Variants in ROS1 observed in about 807,000 individuals in gnomAD.
ROS1 encodes the protein proto-oncogene tyrosine-protein kinase ROS.
ROS1 carries 263 observed loss-of-function variants against 273.5 expected under a neutral mutation model. The observed-to-expected ratio is 0.96, with a 90% CI of 0.87 to 1.06. The LOEUF (loss-of-function observed/expected upper bound fraction) is 1.06. Ranked by LOEUF, ROS1 falls within the 50% of genes least tolerant of loss-of-function variation. ROS1 has a pLI of 0.00. For missense variants in ROS1, 2,833 were observed against 2,751.1 expected, an observed-to-expected ratio of 1.03 and a Z score of -0.67; for synonymous variants, 1,008 against 954.1, an observed-to-expected ratio of 1.06 and a Z score of -1.04.
chr6:117,307,378 C>A (rs1384744982), intron 42 of ROS1, among the ~76,000 whole-genome samples: 1 of 152,086 alleles, frequency 6.6e-6, no homozygotes, highest in African/African-American at 2.4e-5. Flanking sequence ...TTTTGTGCAA[C>A]TGAAATTCTG....
At chr6:117,358,541 C>A (rs573228605) in intron 24 of ROS1, among the ~76,000 whole-genome samples, 1 of 151,836 alleles carries the variant, frequency 6.6e-6, no homozygotes, top group African/African-American at 2.4e-5. Context: ...TTCACTGAAA[C>A]CTTCGCCTCC....
chr6:117,346,999 C>T (rs1370762323), intron 27 of ROS1, among the ~76,000 whole-genome samples: 1 of 152,112 alleles, frequency 6.6e-6, no homozygotes, highest in Admixed American at 6.6e-5. Flanking sequence ...TATCAGCCTT[C>T]CCCAACTTTG....
chr6:117,311,144 G>A (rs1249245322), intron 39 of ROS1, 27 bp from the exon 40 acceptor site: 1 of 1,389,920 alleles, frequency 7.2e-7, no homozygotes, highest in Admixed American at 1.8e-5. Context: ...AAAAATTACA[G>A]GTAGTTATCT....
intron 5 of ROS1, among the ~76,000 whole-genome samples, chr6:117,406,602 A>G (rs182786901): frequency 7.4e-4 from 112 of 152,324 alleles, no homozygotes; most frequent in African/African-American, 2.6e-3. Context: ...ATAATAAAGG[A>G]ATGTAAATAA....
chr6:117,348,271 G>A (rs980463715), intron 27 of ROS1, among the ~76,000 whole-genome samples: 1 of 151,924 alleles, frequency 6.6e-6, no homozygotes, highest in Non-Finnish European at 1.5e-5. Context: ...AATAGATGTG[G>A]ACATATTCAG....
intron 1 of ROS1, among the ~76,000 whole-genome samples, chr6:117,421,798 G>A (rs1775781791): frequency 6.6e-6 from 1 of 151,616 alleles, no homozygotes; most frequent in Admixed American, 6.6e-5. Context: ...TCCACTTTTT[G>A]GCTTTGCAGT....
Position 117,288,515 on chromosome 6 carries a change from C to T in ROS1, c.7003G>A (p.Gly2335Arg), listed in dbSNP as rs1442866318. The T allele has an allele frequency of 1.9e-6, 3 of 1,613,478 alleles. No individual in the cohort carries two copies. The South Asian group carries it at 3.3e-5, about 18-fold the overall frequency. ...TATTAATCAGACCCATCTCCATATC[C>T]ACTGTGAGTGAGACAGGCATAGTTC... ...GLNYACLTHS[G>R]YGDGSD The change falls in exon 44 of 44, where the codon GGA (glycine) becomes AGA (arginine). Residue 2335 changes from glycine to arginine, a missense_variant. Coordinates refer to ENST00000368507, the MANE Select transcript of ROS1 (RefSeq NM_001378902.1).
intron 18 of ROS1, among the ~76,000 whole-genome samples, chr6:117,371,916 C>T (rs1780819394): frequency 6.6e-6 from 1 of 152,190 alleles, no homozygotes; most frequent in South Asian, 2.1e-4. Flanking sequence ...ACACAGCAAG[C>T]TCCGCCCAAG....
intron 27 of ROS1, among the ~76,000 whole-genome samples, chr6:117,352,646 T>C (rs1451860463): frequency 1.3e-5 from 2 of 152,164 alleles, no homozygotes; most frequent in Admixed American, 6.6e-5. Flanking sequence ...GCAATGCTTT[T>C]TGACACCACT....
In ROS1 at chr6:117,394,152, TC is replaced by T; in HGVS notation, c.1191+9del. The T allele has an allele frequency of 6.4e-7, 1 of 1,555,682 alleles. No individual in the cohort carries two copies. The highest frequency in any genetic ancestry group is 2.3e-5 in the East Asian group (1 of 43,108). ...TCTATCACTATTCCTCTTTAACTTC[TC>T]GGACTAACCAGTTCATCCATGATGA... On this transcript the variant is annotated intron_variant, in intron 11 of 43. Coordinates refer to ENST00000368507, the MANE Select transcript of ROS1 (RefSeq NM_001378902.1).
At chr6:117,381,860 TC>T (rs753297811) in intron 17 of ROS1, among the ~76,000 whole-genome samples, 5 of 152,144 alleles carry the variant, frequency 3.3e-5, no homozygotes, top group Non-Finnish European at 5.9e-5. Context: ...TACATCCCCA[TC>T]TGCAGTGTAT....
chr6:117,308,597 T>C (rs895290276), intron 42 of ROS1, among the ~76,000 whole-genome samples, 197 bp downstream of exon 42: 4 of 151,964 alleles, frequency 2.6e-5, no homozygotes, highest in African/African-American at 9.7e-5. Context: ...CAGTGAAATA[T>C]CATGTGTATA....
At chr6:117,319,642 T>C (rs1465051280) in intron 37 of ROS1, among the ~76,000 whole-genome samples, 2 of 152,182 alleles carry the variant, frequency 1.3e-5, no homozygotes, top group African/African-American at 2.4e-5. Flanking sequence ...AGCTAATTAG[T>C]AGCCTTAGAG....
intron 7 of ROS1, among the ~76,000 whole-genome samples, chr6:117,399,133 G>C (rs1245196241): frequency 6.6e-6 from 1 of 152,168 alleles, no homozygotes; most frequent in Non-Finnish European, 1.5e-5. Context: ...CCATAAGAAG[G>C]ACACCCATGT....
chr6:117,309,540 T>A (rs1775376364), intron 41 of ROS1, among the ~76,000 whole-genome samples: 2 of 152,178 alleles, frequency 1.3e-5, no homozygotes, highest in African/African-American at 4.8e-5. Flanking sequence ...TTCGTAATTT[T>A]GCCTAGGGCC....
chr6:117,391,406 G>C (rs547665016), intron 12 of ROS1, among the ~76,000 whole-genome samples: 4 of 152,272 alleles, frequency 2.6e-5, no homozygotes, highest in Admixed American at 2.0e-4. Context: ...AAGGTGAAGA[G>C]ATCTGGTGCA....
intron 7 of ROS1, among the ~76,000 whole-genome samples, chr6:117,400,956 A>C (rs1054170187): frequency 6.6e-6 from 1 of 152,146 alleles, no homozygotes; most frequent in African/African-American, 2.4e-5. Flanking sequence ...AGACATCTCA[A>C]ATTTTGCTTG....
chr6:117,401,516 C>T (rs1208316335), intron 7 of ROS1, among the ~76,000 whole-genome samples: 1 of 152,082 alleles, frequency 6.6e-6, no homozygotes, highest in African/African-American at 2.4e-5. Context: ...ATCTTCTGGC[C>T]GTTTTTGTTT....
At position 117,388,124 on chromosome 6, in the gene ROS1, G is replaced by A. The variant is rs551168318; in HGVS notation, c.1787-132C>T. The A allele has an allele frequency of 6.0e-6, 8 of 1,331,452 alleles. No homozygotes were observed. In the East Asian group the frequency reaches 1.6e-4, roughly 27 times the overall value. The allele number at this position is 1,331,452 out of a possible 1,614,324, so 82.5% of individuals were successfully genotyped here. ...ATTGGGCAGTAATATCCGCTACCCC[G>A]ATAATCACCAGGGATCATTTGTTGA... is the stretch of plus-strand genomic sequence containing the variant. On this transcript the variant is annotated intron_variant, in intron 13 of 43. Coordinates refer to ENST00000368507, the MANE Select transcript of ROS1 (RefSeq NM_001378902.1).
Sources: gnomAD v4.1 joint callset for allele counts (sites outside exome capture counted in the v4.1 genomes callset) on GRCh38, gnomAD v4.1.1 for gene constraint, MANE v1.5 for transcripts, NCBI Gene and HGNC (gene_info 2026-07-23, HGNC 2026-07-21) for gene names.